The following MICAL2 variants were observed in gnomAD, a reference collection of about 807,000 sequenced individuals.
MICAL2 encodes the protein microtubule associated monooxygenase, calponin and LIM domain containing 2, also known as [F-actin]-monooxygenase MICAL2.
MICAL2 carries 77 observed loss-of-function variants against 127.3 expected under a neutral mutation model. The ratio of observed to expected loss-of-function variants is 0.60; its 90% CI spans 0.50 to 0.73. MICAL2 has a LOEUF of 0.73. Ranked by LOEUF, MICAL2 falls within the 30% of genes least tolerant of loss-of-function variation. MICAL2 has a pLI of 0.00. For missense variants in MICAL2, 1,351 were observed against 1,434.4 expected (o/e 0.94, Z 0.94); for synonymous variants, 570 against 551.1 (o/e 1.03, Z -0.48).
intron 32 of MICAL2, among the ~76,000 whole-genome samples, chr11:12,344,880 G>A (rs974295096): frequency 2.6e-5 from 4 of 151,664 alleles, no homozygotes; most frequent in African/African-American, 4.8e-5. Flanking sequence ...AGGCCAAGGC[G>A]GGCAGATCAC....
intron 2 of MICAL2, among the ~76,000 whole-genome samples, chr11:12,283,128 T>C (rs1309583384): frequency 2.0e-5 from 3 of 152,226 alleles, no homozygotes; most frequent in Admixed American, 6.5e-5. Flanking sequence ...ACAGTTAAGC[T>C]CTCTGGCACA....
downstream of MICAL2, chr11:12,293,771 T>G (rs142471184): frequency 3.6e-5 from 58 of 1,612,560 alleles, no homozygotes; most frequent in Non-Finnish European, 4.7e-5. Context: ...TTCTGATGAG[T>G]GCCAGCCAGC....
At chr11:12,164,482 T>G (rs1234606723) in intron 3 of MICAL2, among the ~76,000 whole-genome samples, 2 of 152,114 alleles carry the variant, frequency 1.3e-5, no homozygotes, top group Non-Finnish European at 2.9e-5. Flanking sequence ...AACAGGAAAA[T>G]CATTGACTCA....
intron 2 of MICAL2, among the ~76,000 whole-genome samples, chr11:12,160,038 G>A (rs1854599634): frequency 6.6e-6 from 1 of 152,150 alleles, no homozygotes; most frequent in Non-Finnish European, 1.5e-5. Context: ...CAGGGAAGCT[G>A]GCCAGGCCTG....
chr11:12,331,583 G>A (rs370781447), intron 32 of MICAL2, among the ~76,000 whole-genome samples: 1 of 152,188 alleles, frequency 6.6e-6, no homozygotes, highest in Non-Finnish European at 1.5e-5. Context: ...CTGAGGACCC[G>A]AGGAATAAAA....
intron 5 of MICAL2, 87 bp from the exon 6 acceptor site, chr11:12,209,410 C>A: frequency 9.5e-7 from 1 of 1,057,606 alleles, no homozygotes; most frequent in Non-Finnish European, 1.5e-6. Context: ...GCTGCACTGT[C>A]CATTTCTCAT....
intron 24 of MICAL2, among the ~76,000 whole-genome samples, chr11:12,258,223 C>T (rs1565269234): frequency 6.6e-6 from 1 of 152,152 alleles, no homozygotes; most frequent in Non-Finnish European, 1.5e-5. Flanking sequence ...AGGTCTTAGC[C>T]ACATCCCCGG....
chr11:12,133,243 G>A (rs560206413), intron 1 of MICAL2, among the ~76,000 whole-genome samples: 3 of 152,198 alleles, frequency 2.0e-5, no homozygotes, highest in African/African-American at 7.2e-5. Context: ...CACCACACCT[G>A]GCTAATTTTT....
At chr11:12,146,592 G>A (rs1294098243) in intron 2 of MICAL2, among the ~76,000 whole-genome samples, 4 of 152,136 alleles carry the variant, frequency 2.6e-5, no homozygotes, top group African/African-American at 9.7e-5. Flanking sequence ...GGAGAAATAG[G>A]AACACTTTTA....
intron 2 of MICAL2, among the ~76,000 whole-genome samples, chr11:12,282,909 T>C (rs1319538062): frequency 3.3e-5 from 5 of 152,226 alleles, no homozygotes; most frequent in Admixed American, 2.6e-4. Context: ...GACTCAGTGA[T>C]AGCAGTTTTC....
intron 15 of MICAL2, 36 bp downstream of exon 15, chr11:12,227,167 T>C: frequency 7.0e-7 from 1 of 1,421,164 alleles, no homozygotes; most frequent in Non-Finnish European, 9.9e-7. Flanking sequence ...TATTTCCCAT[T>C]GCACATGGAC....
intron 3 of MICAL2, among the ~76,000 whole-genome samples, chr11:12,167,125 T>C (rs1385409908): frequency 6.6e-6 from 1 of 152,098 alleles, no homozygotes; most frequent in African/African-American, 2.4e-5. Flanking sequence ...CAGGGTTCTT[T>C]CCACCACTCC....
intron 6 of MICAL2, among the ~76,000 whole-genome samples, chr11:12,211,533 G>T (rs574831904): frequency 2.0e-5 from 3 of 152,344 alleles, no homozygotes; most frequent in Admixed American, 2.0e-4. Flanking sequence ...ATGTCTGGAG[G>T]TCTGCACCTG....
intron 29 of MICAL2, among the ~76,000 whole-genome samples, chr11:12,297,634 T>A (rs1354071662): frequency 6.6e-6 from 1 of 152,084 alleles, no homozygotes; most frequent in African/African-American, 2.4e-5. Context: ...TTTCTTCTAG[T>A]CTTCTTGATT....
Position 12,223,509 on chromosome 11 carries a change from GCCCTCCTGGGAC to G in MICAL2, c.1540+11_1540+22del. On this transcript the variant is annotated intron_variant, in intron 12 of 27. Transcript: ENST00000683283. ...TCAACCTCTCCAGGAAGGGTAAGCG[GCCCTCCTGGGAC>G]CCTGGTGGGTGGCTGGGAAGAGCTT... 3 of 1,612,110 alleles carry G rather than the reference GCCCTCCTGGGAC, an allele frequency of 1.9e-6. No homozygotes were observed. Among genetic ancestry groups the G allele is most frequent in the Non-Finnish European group, 2.5e-6 (3 of 1,178,754 alleles).
chr11:12,168,311 A>G (rs1419089047), intron 3 of MICAL2, among the ~76,000 whole-genome samples: 1 of 149,564 alleles, frequency 6.7e-6, no homozygotes, highest in Non-Finnish European at 1.5e-5. Flanking sequence ...ATACACACAT[A>G]CATACACACA....
intron 8 of MICAL2, among the ~76,000 whole-genome samples, chr11:12,217,908 G>A (rs1856384905): frequency 6.6e-6 from 1 of 152,178 alleles, no homozygotes; most frequent in Non-Finnish European, 1.5e-5. Flanking sequence ...GCTATAGCCT[G>A]AGCGTCCAGG....
intron 1 of MICAL2, among the ~76,000 whole-genome samples, chr11:12,118,637 G>A (rs113812734): frequency 0.033 from 5,016 of 152,256 alleles, 129 homozygotes; most frequent in South Asian, 0.069. Flanking sequence ...TAAACCTCAG[G>A]GGCATGTTGT....
intron 33 of MICAL2, among the ~76,000 whole-genome samples, chr11:12,354,536 G>T (rs1305250564): frequency 6.6e-6 from 1 of 151,996 alleles, no homozygotes; most frequent in Non-Finnish European, 1.5e-5. Context: ...TACTTGGGAG[G>T]CTGAGGCAGA....
Sources: allele counts gnomAD v4.1 joint callset (sites outside exome capture counted in the v4.1 genomes callset), GRCh38; gene constraint gnomAD v4.1.1; transcripts MANE v1.5; gene names NCBI Gene and HGNC (gene_info 2026-07-23, HGNC 2026-07-21).